Variants in SPMIP7 observed in about 807,000 individuals in gnomAD.
SPMIP7 encodes sperm microtubule inner protein 7, also known as protein SPMIP7.
At chr7:50,151,016 A>T in the SPMIP7 span, among the ~76,000 whole-genome samples, 3 of 152,258 alleles carry the variant, frequency 2.0e-5, no homozygotes, top group Non-Finnish European at 2.9e-5. Flanking sequence ...AAGATATCTG[A>T]TAAAAGTAAC....
chr7:50,117,179 T>C, the SPMIP7 span: 2 of 445,788 alleles, frequency 4.5e-6, no homozygotes, highest in East Asian at 1.4e-4. Flanking sequence ...TTCAGTTTTA[T>C]GACTTCCAAA....
At chr7:50,138,843 T>A in the SPMIP7 span, among the ~76,000 whole-genome samples, 3 of 151,790 alleles carry the variant, frequency 2.0e-5, no homozygotes, top group East Asian at 5.8e-4. Flanking sequence ...GACTACTGGA[T>A]CTAGAAATGC....
chr7:50,096,291 C>T, the SPMIP7 span: 3 of 1,551,708 alleles, frequency 1.9e-6, no homozygotes, highest in Non-Finnish European at 1.7e-6. Flanking sequence ...AAATTTCACC[C>T]TTATCCCCCT....
the SPMIP7 span, among the ~76,000 whole-genome samples, chr7:50,145,326 C>T: frequency 6.6e-6 from 1 of 150,950 alleles, no homozygotes; most frequent in Middle Eastern, 3.4e-3. Flanking sequence ...GTATAAGATC[C>T]ATATTCTTTG....
chr7:50,158,950 C>A, the SPMIP7 span: 1 of 1,330,884 alleles, frequency 7.5e-7, no homozygotes, highest in Non-Finnish European at 1.0e-6. Context: ...CTCCCCTCCC[C>A]TTCCCGCACA....
chr7:50,157,980 A>G, the SPMIP7 span, among the ~76,000 whole-genome samples: 1 of 152,250 alleles, frequency 6.6e-6, no homozygotes, highest in African/African-American at 2.4e-5. Context: ...AAGTAAAATG[A>G]AGCCCAGTCA....
the SPMIP7 span, among the ~76,000 whole-genome samples, chr7:50,125,059 A>G: frequency 6.7e-6 from 1 of 148,572 alleles, no homozygotes; most frequent in African/African-American, 2.5e-5. Context: ...AGATCATGCC[A>G]CTGCACTCCA....
At chr7:50,130,631 T>C in the SPMIP7 span, among the ~76,000 whole-genome samples, 1 of 151,918 alleles carries the variant, frequency 6.6e-6, no homozygotes, top group African/African-American at 2.4e-5. Context: ...GACAGATAAG[T>C]CTATTAAGAA....
At chr7:50,109,258 G>T in the SPMIP7 span, among the ~76,000 whole-genome samples, 3 of 152,100 alleles carry the variant, frequency 2.0e-5, no homozygotes, top group Admixed American at 1.3e-4. Flanking sequence ...TAGAAAAGGA[G>T]ATAAACACAA....
At chr7:50,140,213 T>G in the SPMIP7 span, 1 of 1,397,466 alleles carries the variant, frequency 7.2e-7, no homozygotes, top group Non-Finnish European at 9.6e-7. Flanking sequence ...TGTAAAAAAA[T>G]TTTAGATTTA....
the SPMIP7 span, chr7:50,096,260 A>G: frequency 6.4e-7 from 1 of 1,551,738 alleles, no homozygotes. Flanking sequence ...GTTTGAAAAG[A>G]AATGCAACCC....
chr7:50,106,236 C>T, the SPMIP7 span, among the ~76,000 whole-genome samples: 1 of 152,126 alleles, frequency 6.6e-6, no homozygotes, highest in Non-Finnish European at 1.5e-5. Flanking sequence ...GCACTTAGGG[C>T]CACTGTGACA....
chr7:50,108,955 T>C, the SPMIP7 span, among the ~76,000 whole-genome samples: 1 of 152,308 alleles, frequency 6.6e-6, no homozygotes, highest in Admixed American at 6.5e-5. Flanking sequence ...AGACAGGTCA[T>C]ATCATAGCTG....
chr7:50,096,430 T>A, the SPMIP7 span: 1 of 1,551,580 alleles, frequency 6.4e-7, no homozygotes, highest in African/African-American at 1.4e-5. Flanking sequence ...GTCCTGGTGG[T>A]GATGCTGATT....
At chr7:50,107,832 C>A in the SPMIP7 span, among the ~76,000 whole-genome samples, 1 of 152,188 alleles carries the variant, frequency 6.6e-6, no homozygotes, top group Non-Finnish European at 1.5e-5. Flanking sequence ...AGCATTCTGG[C>A]AGTCTCAGCC....
chr7:50,148,223 A>T, the SPMIP7 span, among the ~76,000 whole-genome samples: 1 of 152,226 alleles, frequency 6.6e-6, no homozygotes, highest in Non-Finnish European at 1.5e-5. Context: ...TTGGCAATTT[A>T]TTATGCAACT....
chr7:50,158,262 T>A, the SPMIP7 span, among the ~76,000 whole-genome samples: 3 of 141,826 alleles, frequency 2.1e-5, no homozygotes, highest in Admixed American at 7.0e-5. Flanking sequence ...CCACCCCCCA[T>A]GTCTTTTCCT....
At chr7:50,098,497 T>A in the SPMIP7 span, among the ~76,000 whole-genome samples, 3 of 152,218 alleles carry the variant, frequency 2.0e-5, no homozygotes, top group Admixed American at 1.3e-4. Flanking sequence ...TATCTTTTTT[T>A]AAACCATTGT....
At chr7:50,153,903 C>A in the SPMIP7 span, among the ~76,000 whole-genome samples, 2 of 151,990 alleles carry the variant, frequency 1.3e-5, no homozygotes, top group Non-Finnish European at 2.9e-5. Context: ...CCCTGTGTGC[C>A]TGGCCTTTTC....
Sources: allele counts gnomAD v4.1 joint callset (sites outside exome capture counted in the v4.1 genomes callset), GRCh38; gene constraint gnomAD v4.1.1; transcripts MANE v1.5; gene names NCBI Gene and HGNC (gene_info 2026-07-23, HGNC 2026-07-21).